The following PXDNL variants were observed in gnomAD, a reference collection of about 807,000 sequenced individuals.
PXDNL encodes peroxidasin like, also known as probable oxidoreductase PXDNL.
In PXDNL, 145 loss-of-function variants were observed where a neutral mutation model predicts 150.8. The ratio of observed to expected loss-of-function variants is 0.96; its 90% CI spans 0.84 to 1.10. PXDNL has a LOEUF of 1.10. Among genes scored for constraint, PXDNL ranks in the 50% least tolerant of loss-of-function variants. The pLI is 0.00. For missense variants in PXDNL, 2,087 were observed against 1,873.9 expected (o/e 1.11, Z -2.10); for synonymous variants, 757 against 725.7 (o/e 1.04, Z -0.69).
At chr8:51,735,538 T>TG (rs1563304287) in intron 1 of PXDNL, among the ~76,000 whole-genome samples, 20 of 109,826 alleles carry the variant, frequency 1.8e-4, no homozygotes, top group African/African-American at 6.2e-4. Context: ...TTTTTTTTTT[T>TG]TTTTTTTTTT....
chr8:51,605,486 AATT>A (rs1813819178), intron 2 of PXDNL, among the ~76,000 whole-genome samples: 1 of 151,938 alleles, frequency 6.6e-6, no homozygotes, highest in African/African-American at 2.4e-5. Flanking sequence ...TCATTATTAA[AATT>A]ATTAATATAA....
chr8:51,346,503 T>G (rs1188024471), intron 19 of PXDNL, among the ~76,000 whole-genome samples: 1 of 152,220 alleles, frequency 6.6e-6, no homozygotes, highest in African/African-American at 2.4e-5. Flanking sequence ...AAAAACTTGT[T>G]GCAAATAAAT....
chr8:51,695,353 C>T (rs1360619410), intron 1 of PXDNL, among the ~76,000 whole-genome samples: 1 of 152,134 alleles, frequency 6.6e-6, no homozygotes, highest in African/African-American at 2.4e-5. Context: ...CAAGAATGAA[C>T]TGTTATCACC....
intron 1 of PXDNL, among the ~76,000 whole-genome samples, chr8:51,789,971 G>T (rs1426478760): frequency 3.3e-5 from 5 of 151,900 alleles, no homozygotes; most frequent in African/African-American, 1.2e-4. Flanking sequence ...TCAAGTCTTG[G>T]AAGTTTAAGC....
At chr8:51,486,775 TATATATATATATATATATA>T (rs1437534375) in intron 5 of PXDNL, among the ~76,000 whole-genome samples, 26 of 10,010 alleles carry the variant, frequency 2.6e-3, no homozygotes, top group African/African-American at 5.5e-3. Flanking sequence ...TATATATATA[TATATATATATATATATATA>T]TTTTTTTTTT....
intron 5 of PXDNL, among the ~76,000 whole-genome samples, chr8:51,490,449 G>C (rs775475446): frequency 6.6e-6 from 1 of 151,910 alleles, no homozygotes; most frequent in Non-Finnish European, 1.5e-5. Flanking sequence ...GAGTGAAGAT[G>C]TAAAAGGTGA....
chr8:51,556,550 T>C (rs1812603439), intron 4 of PXDNL, among the ~76,000 whole-genome samples: 1 of 152,184 alleles, frequency 6.6e-6, no homozygotes, highest in South Asian at 2.1e-4. Context: ...CACGGAAATA[T>C]GTGCATTTCA....
rs548245443 is a variant in PXDNL at position 51,458,015 on chromosome 8, G to T, written c.813-348C>A. ...ATTTGAATGCCCACTTTTCAGAAAA[G>T]AAATCACCAGATGGTAATATGTAAT... On this transcript the variant is annotated intron_variant, in intron 8 of 22. Transcript: ENST00000356297. Among the ~76,000 whole-genome samples, 12 of 152,236 alleles carry T rather than the reference G, an allele frequency of 7.9e-5. No homozygotes were observed. The East Asian group carries it at 2.1e-3, about 27-fold the overall frequency.
In PXDNL at chr8:51,728,697, T is replaced by C. The variant is rs1403317850; in HGVS notation, c.165-73937A>G. Among the ~76,000 whole-genome samples the C allele has an allele frequency of 3.9e-5, 6 of 152,266 alleles. No individual in the cohort carries two copies. In the East Asian group the frequency reaches 7.7e-4, roughly 20 times the overall value. On this transcript the variant is annotated intron_variant, in intron 1 of 22. Coordinates refer to ENST00000356297, the MANE Select transcript of PXDNL (RefSeq NM_144651.5). ...TGTTTGTGTTTTAAGCTGAATGTTA[T>C]TATAAAAGAATCAAAAAAGTTAAAA...
chr8:51,576,469 C>T (rs1813057544), intron 3 of PXDNL, among the ~76,000 whole-genome samples: 1 of 151,496 alleles, frequency 6.6e-6, no homozygotes, highest in Non-Finnish European at 1.5e-5. Context: ...AAAAATCGGA[C>T]TAAATCAAAG....
chr8:51,693,049 C>T (rs944877620), intron 1 of PXDNL, among the ~76,000 whole-genome samples: 2 of 152,180 alleles, frequency 1.3e-5, no homozygotes, highest in African/African-American at 4.8e-5. Flanking sequence ...CAGACTTAAA[C>T]ATAATCTATG....
intron 14 of PXDNL, among the ~76,000 whole-genome samples, chr8:51,421,116 G>A (rs1563404985): frequency 6.6e-6 from 1 of 152,194 alleles, no homozygotes; most frequent in Non-Finnish European, 1.5e-5. Context: ...TGTGTATGTG[G>A]AAGAGCAAGA....
intron 2 of PXDNL, among the ~76,000 whole-genome samples, chr8:51,624,484 T>A (rs1224794893): frequency 6.6e-6 from 1 of 152,180 alleles, no homozygotes; most frequent in Admixed American, 6.5e-5. Flanking sequence ...TATGTTGTAC[T>A]GTAGGAAATA....
rs555662116 is a variant in PXDNL, at chr8:51,404,201, G to A, written c.3557+3866C>T. 7.0e-4 allele frequency among the ~76,000 whole-genome samples: 107 copies of A among 152,358 alleles called. 1 individual carries two copies. In the South Asian group the frequency reaches 0.021, roughly 30 times the overall value. ...AAGCAGCAGCAATATTTATCGCAAA[G>A]AGCGAAAGAACAAAGCTTCCACACT... On this transcript the variant is annotated intron_variant, in intron 17 of 22. Coordinates refer to ENST00000356297, the MANE Select transcript of PXDNL (RefSeq NM_144651.5).
At chr8:51,508,963 G>C (rs776823814) in intron 4 of PXDNL, among the ~76,000 whole-genome samples, 1 of 152,244 alleles carries the variant, frequency 6.6e-6, no homozygotes, top group African/African-American at 2.4e-5. Context: ...TTGTAAAAGA[G>C]ATCCAGATGC....
At chr8:51,789,230 CA>C (rs2129254363) in intron 1 of PXDNL, among the ~76,000 whole-genome samples, 1 of 149,466 alleles carries the variant, frequency 6.7e-6, no homozygotes, top group East Asian at 2.0e-4. Flanking sequence ...TTATGTTACT[CA>C]TACGGTGAGT....
At chr8:51,486,767 TATATATATATATATATATATATATA>T (rs1810751238) in intron 5 of PXDNL, among the ~76,000 whole-genome samples, 11 of 9,312 alleles carry the variant, frequency 1.2e-3, no homozygotes, top group African/African-American at 2.3e-3. Context: ...TATATATATA[TATATATATATATATATATATATATA>T]TATTTTTTTT....
intron 1 of PXDNL, among the ~76,000 whole-genome samples, chr8:51,737,622 A>G (rs1025528017): frequency 3.3e-5 from 5 of 152,226 alleles, no homozygotes; most frequent in Non-Finnish European, 5.9e-5. Flanking sequence ...CTGCATAACC[A>G]ACTCATGGCC....
intron 2 of PXDNL, among the ~76,000 whole-genome samples, chr8:51,644,482 C>A (rs570471839): frequency 1.4e-5 from 2 of 145,136 alleles, no homozygotes; most frequent in Non-Finnish European, 3.0e-5. Flanking sequence ...TGTTTTGAGA[C>A]GGAGTCTCGA....
Sources: gnomAD v4.1 joint callset for allele counts (sites outside exome capture counted in the v4.1 genomes callset) on GRCh38, gnomAD v4.1.1 for gene constraint, MANE v1.5 for transcripts, NCBI Gene and HGNC (gene_info 2026-07-23, HGNC 2026-07-21) for gene names.